CTNNA3: variants seen among roughly 807,000 people sequenced by gnomAD.
The protein encoded by CTNNA3 is catenin alpha 3, also known as catenin alpha-3.
Under a neutral mutation model 95.7 loss-of-function variants are expected in CTNNA3, and 76 were observed. The ratio of observed to expected loss-of-function variants is 0.79; its 90% CI spans 0.66 to 0.96. CTNNA3 has a LOEUF of 0.96. Among genes scored for constraint, CTNNA3 ranks in the 40% least tolerant of loss-of-function variants. The pLI, the probability that CTNNA3 is intolerant of heterozygous loss-of-function variation, is 0.00. For missense variants in CTNNA3, 1,191 were observed against 1,089.8 expected (o/e 1.09, Z -1.31); for synonymous variants, 431 against 374.4 (o/e 1.15, Z -1.74).
chr10:66,312,190 A>G (rs1215974574), intron 12 of CTNNA3, among the ~76,000 whole-genome samples: 1 of 152,082 alleles, frequency 6.6e-6, no homozygotes, highest in Non-Finnish European at 1.5e-5. Context: ...AATATTCATG[A>G]CACACTCTCC....
chr10:67,180,573 T>A (rs140032375), intron 6 of CTNNA3, 53 bp from the exon 7 acceptor site: 13 of 1,424,796 alleles, frequency 9.1e-6, no homozygotes, highest in Non-Finnish European at 1.3e-5. Context: ...TTCACTTTTA[T>A]GAAAAACAAA....
intron 5 of CTNNA3, among the ~76,000 whole-genome samples, chr10:67,330,365 A>G (rs1841728306): frequency 6.6e-6 from 1 of 152,190 alleles, no homozygotes; most frequent in South Asian, 2.1e-4. Flanking sequence ...GGATTTGAAT[A>G]CAGTCTCCAA....
At chr10:66,954,294 CTT>C (rs1177851278) in intron 7 of CTNNA3, among the ~76,000 whole-genome samples, 2 of 152,204 alleles carry the variant, frequency 1.3e-5, no homozygotes, top group South Asian at 2.1e-4. Context: ...ATATTTGAAA[CTT>C]ATCTTAAATT....
chr10:67,548,659 A>G (rs1840919889), intron 3 of CTNNA3, among the ~76,000 whole-genome samples: 1 of 152,194 alleles, frequency 6.6e-6, no homozygotes, highest in Non-Finnish European at 1.5e-5. Flanking sequence ...AAACTCTTAG[A>G]AAAAGAAAAC....
chr10:66,895,914 C>CA (rs869248195), intron 7 of CTNNA3, among the ~76,000 whole-genome samples: 1,963 of 80,168 alleles, frequency 0.024, 27 homozygotes, highest in East Asian at 0.077. Context: ...CCTGTCTCTA[C>CA]AAAAAAAAAA....
At position 66,333,828 on chromosome 10, in the gene CTNNA3, G is replaced by C. The variant is rs575617690; in HGVS notation, c.1732+45324C>G. 1.3e-5 allele frequency among the ~76,000 whole-genome samples: 2 copies of C among 151,482 alleles called. 1 individual carries two copies. Among genetic ancestry groups the C allele is most frequent in the Non-Finnish European group, 2.9e-5 (2 of 67,818 alleles). ...TGATCTGTCTAATGTTGACAGTGGG[G>C]TGTTAAAGTCTCCCATTATTATTGT... On this transcript the variant is annotated intron_variant, in intron 12 of 17. Transcript: ENST00000433211.
intron 7 of CTNNA3, among the ~76,000 whole-genome samples, chr10:66,848,860 G>T (rs1843374624): frequency 6.6e-6 from 1 of 152,122 alleles, no homozygotes; most frequent in Non-Finnish European, 1.5e-5. Flanking sequence ...CAACAGTGCT[G>T]TTAGAGTTCC....
intron 17 of CTNNA3, among the ~76,000 whole-genome samples, chr10:65,936,489 TG>T (rs1187148760): frequency 6.6e-6 from 1 of 152,136 alleles, no homozygotes; most frequent in Non-Finnish European, 1.5e-5. Context: ...CATTATTTGT[TG>T]GACAGTGTCT....
At chr10:66,205,122 A>G (rs915666142) in intron 13 of CTNNA3, among the ~76,000 whole-genome samples, 2 of 152,108 alleles carry the variant, frequency 1.3e-5, no homozygotes, top group Admixed American at 6.6e-5. Context: ...TCCACTAATT[A>G]AGCTTGATTT....
chr10:66,004,384 T>C (rs2078836835), intron 15 of CTNNA3, among the ~76,000 whole-genome samples: 1 of 152,244 alleles, frequency 6.6e-6, no homozygotes, highest in Non-Finnish European at 1.5e-5. Flanking sequence ...TGTATCTTTT[T>C]CTTTTCCTTT....
intron 5 of CTNNA3, among the ~76,000 whole-genome samples, chr10:67,301,847 T>C (rs530037200): frequency 1.0e-3 from 156 of 151,862 alleles, no homozygotes; most frequent in Non-Finnish European, 1.9e-3. Context: ...TGGGCGCCTG[T>C]AGTCCCAGCT....
At chr10:66,893,423 C>T (rs1378588481) in intron 7 of CTNNA3, among the ~76,000 whole-genome samples, 1 of 151,828 alleles carries the variant, frequency 6.6e-6, no homozygotes, top group Non-Finnish European at 1.5e-5. Context: ...TGTGTAATGT[C>T]TCTAACAACC....
chr10:67,381,799 A>G (rs1301908022), intron 5 of CTNNA3, among the ~76,000 whole-genome samples: 1 of 152,206 alleles, frequency 6.6e-6, no homozygotes, highest in Non-Finnish European at 1.5e-5. Flanking sequence ...TCACTCAGAA[A>G]TAGCACCTCC....
chr10:67,514,672 TTTTG>T (rs921558687), intron 5 of CTNNA3, among the ~76,000 whole-genome samples: 17 of 152,064 alleles, frequency 1.1e-4, no homozygotes, highest in African/African-American at 2.7e-4. Flanking sequence ...TGAAGTTGTT[TTTTG>T]TTTGTTTGTT....
chr10:66,738,616 T>TCATCGATTTGAACAAGGGGATCTTTACC (rs1849225343), intron 9 of CTNNA3, among the ~76,000 whole-genome samples: 1 of 152,194 alleles, frequency 6.6e-6, no homozygotes, highest in Non-Finnish European at 1.5e-5. Context: ...AGTTTGGTCT[T>TCATCGATTTGAACAAGGGGATCTTTACC]CATCGATTTG....
At chr10:67,715,339 T>G (rs922806905) in intron 1 of CTNNA3, among the ~76,000 whole-genome samples, 1 of 152,022 alleles carries the variant, frequency 6.6e-6, no homozygotes, top group Non-Finnish European at 1.5e-5. Context: ...CAATGAACAG[T>G]GCAAGAACAA....
intron 8 of CTNNA3, among the ~76,000 whole-genome samples, chr10:66,769,356 A>C (rs1839994197): frequency 6.6e-6 from 1 of 152,212 alleles, no homozygotes; most frequent in South Asian, 2.1e-4. Flanking sequence ...AAATCATCTT[A>C]ACCCATGCAA....
chr10:67,483,163 T>G, intron 5 of CTNNA3, among the ~76,000 whole-genome samples: 1 of 151,818 alleles, frequency 6.6e-6, no homozygotes, highest in Non-Finnish European at 1.5e-5. Flanking sequence ...TTTTACACTG[T>G]TGGTGGGACT....
At chr10:66,998,957 CTCAA>C (rs1851525931) in intron 7 of CTNNA3, among the ~76,000 whole-genome samples, 1 of 152,030 alleles carries the variant, frequency 6.6e-6, no homozygotes, top group Non-Finnish European at 1.5e-5. Flanking sequence ...TAAAGCAAAT[CTCAA>C]TCAACACCAA....
Sources: allele counts gnomAD v4.1 joint callset (sites outside exome capture counted in the v4.1 genomes callset), GRCh38; gene constraint gnomAD v4.1.1; transcripts MANE v1.5; gene names NCBI Gene and HGNC (gene_info 2026-07-23, HGNC 2026-07-21).